SLC36A4: variants seen among roughly 807,000 people sequenced by gnomAD.
The protein encoded by SLC36A4 is neutral amino acid uniporter 4.
A neutral mutation model predicts 50.5 loss-of-function variants in SLC36A4; 49 were observed. The observed-to-expected ratio is 0.97, with a 90% CI of 0.77 to 1.23. The LOEUF is 1.23. SLC36A4 is among the 50% of genes most tolerant of loss of function. The pLI, the probability that SLC36A4 is intolerant of heterozygous loss-of-function variation, is 0.00. For missense variants in SLC36A4, 611 were observed against 608.4 expected (o/e 1.00, Z -0.05); for synonymous variants, 207 against 206.5 (o/e 1.00, Z -0.02).
At chr11:93,168,514 CTT>C in intron 6 of SLC36A4, among the ~76,000 whole-genome samples, 1 of 152,114 alleles carries the variant, frequency 6.6e-6, no homozygotes, top group Non-Finnish European at 1.5e-5. Context: ...TCAAGTATCT[CTT>C]TTTGAGATCA....
At position 93,147,782 on chromosome 11, in the gene SLC36A4, C is replaced by A. The variant is rs1859896486; in HGVS notation, c.*755G>T. On this transcript the variant is annotated 3_prime_UTR_variant, in exon 11 of 11. Coordinates refer to ENST00000326402, the MANE Select transcript of SLC36A4 (RefSeq NM_152313.4). ...AGATTAGGTTTTCTTGATCTCAAGG[C>A]TGAGTGGTCTCGACCAAGTTACTTA... 2 of 152,106 alleles carry A rather than the reference C, an allele frequency of 1.3e-5. No homozygotes were observed. The highest frequency in any genetic ancestry group is 2.4e-5 in the African/African-American group (1 of 41,440). The allele number at this position is 152,106 out of a possible 1,614,324, so 9.4% of individuals were successfully genotyped here. A position where few individuals can be genotyped will look rare whatever the true frequency, so the allele number is the denominator to read the frequency against.
rs377056465 is a variant in SLC36A4, at chr11:93,154,167, T to G, written c.1148A>C (p.His383Pro). The G allele has an allele frequency of 3.8e-6, 6 of 1,567,832 alleles. No individual in the cohort carries two copies. The highest frequency in any genetic ancestry group is 1.3e-5 in the South Asian group (1 of 79,762). Residue 383 changes from histidine to proline, a missense_variant, in exon 10 of 11, where the codon CAT becomes CCT. Coordinates refer to ENST00000326402, the MANE Select transcript of SLC36A4 (RefSeq NM_152313.4). ...IIIPGITSKF[H>P]TKWKQICEFG... ...TTCACAGATTTGCTTCCATTTAGTATGAAATTTGGATGTGATCCCAGGGAT... is the reference window on the plus strand; with the variant it reads ...TTCACAGATTTGCTTCCATTTAGTAGGAAATTTGGATGTGATCCCAGGGAT...
chr11:93,176,836 C>T (rs1861498399), intron 6 of SLC36A4, among the ~76,000 whole-genome samples: 1 of 152,208 alleles, frequency 6.6e-6, no homozygotes, highest in South Asian at 2.1e-4. Flanking sequence ...GTCTGATGGG[C>T]TTCCCTTTGC....
At position 93,145,567 on chromosome 11, in the gene SLC36A4, C is replaced by T. The variant is rs1169366595; in HGVS notation, c.*2970G>A. 6.6e-6 allele frequency: 1 copy of T among 152,120 alleles called. No homozygotes were observed. The highest frequency in any genetic ancestry group is 1.5e-5 in the Non-Finnish European group (1 of 68,008). The allele number at this position is 152,120 out of a possible 1,614,324, so 9.4% of individuals were successfully genotyped here. ...GATGAAACTCTTGGGTGTAAGGGAA[C>T]AGTGATTAACTGACTTGGAACGGAG... is the stretch of plus-strand genomic sequence containing the variant. On this transcript the variant is annotated 3_prime_UTR_variant, in exon 11 of 11. Transcript: ENST00000326402.
intron 7 of SLC36A4, chr11:93,166,293 G>T (rs1460472506): frequency 8.7e-7 from 1 of 1,144,482 alleles, no homozygotes; most frequent in East Asian, 4.9e-5. Flanking sequence ...CCCAGGCTGT[G>T]AACACTAGGT....
At position 93,197,910 on chromosome 11, in the gene SLC36A4, T is replaced by C. The variant is rs575999614; in HGVS notation, c.-78A>G. ...GCGTGGCCGGCGTCAGGCCCAGGCC[T>C]ACCTCCCCTGCCCGGAGGGACCCGC... is the stretch of plus-strand genomic sequence containing the variant. On this transcript the variant is annotated 5_prime_UTR_variant, in exon 1 of 11. An upstream open reading frame in the 5' UTR loses its in-frame stop. Coordinates refer to ENST00000326402, the MANE Select transcript of SLC36A4 (RefSeq NM_152313.4). 5.4e-4 allele frequency: 759 copies of C among 1,403,826 alleles called. 7 individuals are homozygous for C. In the East Asian group the frequency reaches 0.016, roughly 30 times the overall value. 87.0% of individuals were successfully genotyped at this position (1,403,826 alleles called of 1,614,324 possible).
At chr11:93,172,437 G>C (rs11601377) in intron 6 of SLC36A4, among the ~76,000 whole-genome samples, 4 of 150,578 alleles carry the variant, frequency 2.7e-5, no homozygotes, top group Admixed American at 6.6e-5. Context: ...AAAGTCCACT[G>C]TATCATTCTT....
At chr11:93,171,422 C>T (rs910384251) in intron 6 of SLC36A4, 2 of 151,988 alleles carry the variant, frequency 1.3e-5, no homozygotes, top group African/African-American at 4.8e-5. Flanking sequence ...TAACAATTAA[C>T]ATATTGGAAG....
chr11:93,167,868 C>T, intron 7 of SLC36A4, 76 bp downstream of exon 7: 1 of 891,880 alleles, frequency 1.1e-6, no homozygotes, highest in Non-Finnish European at 1.8e-6. Flanking sequence ...CATATCATTA[C>T]TTTTACCTCC....
rs1449240081 is a variant in SLC36A4 at position 93,146,412 on chromosome 11, G to A, written c.*2125C>T. On this transcript the variant is annotated 3_prime_UTR_variant, in exon 11 of 11. Transcript: ENST00000326402. The stretch of plus-strand genomic sequence containing the variant: ...ATAATACTAGTTTCAGTGAAGATTC[G>A]TTTTCCTATAACTTCTTCTGCATTC... 2.0e-5 allele frequency: 3 copies of A among 151,840 alleles called. No individual in the cohort carries two copies. The highest frequency in any genetic ancestry group is 4.1e-4 in the South Asian group (2 of 4,830). 9.4% of individuals were successfully genotyped at this position (151,840 alleles called of 1,614,324 possible).
rs1396334519 is a variant in SLC36A4 at position 93,147,326 on chromosome 11, T to C, written c.*1211A>G. ...GCTCATAATAAATAAAAGGCTGTGA[T>C]AAGAAAAGCCACAGGGCTGGAAAGA... On this transcript the variant is annotated 3_prime_UTR_variant, in exon 11 of 11. Coordinates refer to ENST00000326402, the MANE Select transcript of SLC36A4 (RefSeq NM_152313.4). 2 of 152,024 alleles carry C rather than the reference T, an allele frequency of 1.3e-5. No homozygotes were observed. The highest frequency in any genetic ancestry group is 2.4e-5 in the African/African-American group (1 of 41,412). The allele number at this position is 152,024 out of a possible 1,614,324, so 9.4% of individuals were successfully genotyped here.
chr11:93,148,586 C>A lies in SLC36A4; in HGVS notation c.1466G>T (p.Ser489Ile). 2.5e-6 allele frequency: 4 copies of A among 1,612,576 alleles called. No individual in the cohort carries two copies. Among genetic ancestry groups the A allele is most frequent in the Non-Finnish European group, 3.4e-6 (4 of 1,179,192 alleles). ...TGTTGAATTCAAATTTAGAAAAGGACTCTGTGGAGTGCCAGCTACAACTTT... is the reference window on the plus strand; with the variant it reads ...TGTTGAATTCAAATTTAGAAAAGGAATCTGTGGAGTGCCAGCTACAACTTT... ...TPKVVAGTPQSPFLNLNSTCL... is the reference protein window; with the variant it reads ...TPKVVAGTPQIPFLNLNSTCL... Residue 489 changes from serine to isoleucine, a missense_variant, in exon 11 of 11, where the codon AGT (serine) becomes ATT (isoleucine). Ser to Ile is a moderately radical substitution (Grantham distance 142, BLOSUM62 -2). Coordinates refer to ENST00000326402, the MANE Select transcript of SLC36A4 (RefSeq NM_152313.4).
intron 6 of SLC36A4, chr11:93,172,045 T>C (rs1417554866): frequency 1.3e-5 from 2 of 152,138 alleles, no homozygotes; most frequent in Non-Finnish European, 2.9e-5. Flanking sequence ...CTGTGTCTGA[T>C]GGTTTACAGA....
rs1167347405 is a variant in SLC36A4, at chr11:93,162,951, A to C, written c.868-76T>G. ...ATAACAGTGTCTCTTATACATACAA[A>C]TTGGTTGTTTATAGCCTATATGCAA... On this transcript the variant is annotated intron_variant, in intron 8 of 10. Coordinates refer to ENST00000326402, the MANE Select transcript of SLC36A4 (RefSeq NM_152313.4). 5 of 1,419,072 alleles carry C rather than the reference A, an allele frequency of 3.5e-6. No homozygotes were observed. In the Admixed American group the frequency reaches 1.2e-4, roughly 33 times the overall value. 87.9% of individuals were successfully genotyped at this position (1,419,072 alleles called of 1,614,324 possible).
intron 10 of SLC36A4, among the ~76,000 whole-genome samples, chr11:93,149,382 G>A (rs542458901): frequency 2.0e-5 from 3 of 152,150 alleles, no homozygotes; most frequent in African/African-American, 7.2e-5. Context: ...GATGAGATCA[G>A]AGTTTCAAAA....
At position 93,182,363 on chromosome 11, in the gene SLC36A4, G is replaced by A. The variant is rs1052317574; in HGVS notation, c.359+443C>T. 11 of 316,190 alleles carry A rather than the reference G, an allele frequency of 3.5e-5. No individual in the cohort carries two copies. The Admixed American group carries it at 3.9e-4, about 11-fold the overall frequency. 19.6% of individuals were successfully genotyped at this position (316,190 alleles called of 1,614,324 possible). ...GATATTAGGCTACTAGAATACATATGGTCTACTGTCCAGTAGAAGTATTTC... is the reference window on the plus strand; with the variant it reads ...GATATTAGGCTACTAGAATACATATAGTCTACTGTCCAGTAGAAGTATTTC... On this transcript the variant is annotated intron_variant, in intron 4 of 10. Transcript: ENST00000326402.
chr11:93,156,519 A>T (rs2134636518), intron 9 of SLC36A4, among the ~76,000 whole-genome samples: 1 of 151,364 alleles, frequency 6.6e-6, no homozygotes, highest in Non-Finnish European at 1.5e-5. Flanking sequence ...TCCCCAGTTC[A>T]AGCGATTCTC....
At chr11:93,183,320 A>T (rs1270957439) in intron 3 of SLC36A4, among the ~76,000 whole-genome samples, 1 of 152,226 alleles carries the variant, frequency 6.6e-6, no homozygotes, top group Non-Finnish European at 1.5e-5. Flanking sequence ...TTGGGTACTT[A>T]CTATGTGTCA....
intron 9 of SLC36A4, chr11:93,159,971 T>G (rs999877204): frequency 1.0e-6 from 1 of 985,300 alleles, no homozygotes; most frequent in Non-Finnish European, 1.2e-6. Flanking sequence ...TTTCATACTC[T>G]GCCAATAGAG....
Sources: allele counts gnomAD v4.1 joint callset (sites outside exome capture counted in the v4.1 genomes callset), GRCh38; gene constraint gnomAD v4.1.1; transcripts MANE v1.5; gene names NCBI Gene and HGNC (gene_info 2026-07-23, HGNC 2026-07-21).